Variants in NEDD9 observed in about 807,000 individuals in gnomAD.
NEDD9 encodes neural precursor cell expressed, developmentally down-regulated 9.
Under a neutral mutation model 76.6 loss-of-function variants are expected in NEDD9, and 26 were observed. The observed-to-expected ratio is 0.34, with a 90% CI of 0.25 to 0.47. NEDD9 has a LOEUF of 0.47. Among genes scored for constraint, NEDD9 ranks in the 20% least tolerant of loss-of-function variants. The probability of loss-of-function intolerance (pLI) is 1.00; values close to 1 mark genes in which losing one functional copy is unlikely to be tolerated. For synonymous variants in NEDD9, 392 were observed against 414.2 expected, an observed-to-expected ratio of 0.95 and a Z score of 0.65; for missense variants, 937 against 1,058.5, an observed-to-expected ratio of 0.89 and a Z score of 1.59.
At chr6:11,228,181 G>C (rs72827148) in intron 1 of NEDD9, among the ~76,000 whole-genome samples, 1 of 151,996 alleles carries the variant, frequency 6.6e-6, no homozygotes, top group African/African-American at 2.4e-5. Flanking sequence ...CTGAAAAGAA[G>C]AAGAAGAAGA....
At chr6:11,192,590 T>A in intron 3 of NEDD9, 144 bp from the exon 4 acceptor site, 1 of 498,138 alleles carries the variant, frequency 2.0e-6, no homozygotes, top group Non-Finnish European at 3.3e-6. Flanking sequence ...ATAACAGATT[T>A]ATTGCCTTTT....
chr6:11,194,743 G>A (rs3798729), intron 2 of NEDD9, among the ~76,000 whole-genome samples: 1 of 152,130 alleles, frequency 6.6e-6, no homozygotes, highest in African/African-American at 2.4e-5. Context: ...CGTTCATCAC[G>A]ATGCTGGCAT....
At chr6:11,298,823 A>T (rs1760964879) in intron 3 of NEDD9, among the ~76,000 whole-genome samples, 1 of 152,212 alleles carries the variant, frequency 6.6e-6, no homozygotes, top group Non-Finnish European at 1.5e-5. Flanking sequence ...GAGGATTGTT[A>T]AGAGGTCATT....
intron 2 of NEDD9, among the ~76,000 whole-genome samples, chr6:11,309,008 G>C (rs1375307327): frequency 6.6e-6 from 1 of 152,174 alleles, no homozygotes; most frequent in Non-Finnish European, 1.5e-5. Flanking sequence ...TGTGCCAGTT[G>C]TCTGTTAACG....
intron 3 of NEDD9, among the ~76,000 whole-genome samples, chr6:11,265,729 A>C (rs1760188976): frequency 1.3e-5 from 2 of 152,206 alleles, no homozygotes; most frequent in Non-Finnish European, 2.9e-5. Flanking sequence ...AGATAACTGT[A>C]TTTACATGTT....
chr6:11,320,079 G>C (rs1016629319), intron 2 of NEDD9, among the ~76,000 whole-genome samples: 1 of 152,264 alleles, frequency 6.6e-6, no homozygotes, highest in Admixed American at 6.5e-5. Flanking sequence ...TCCCTCCTGG[G>C]AGCACGGCTG....
intron 1 of NEDD9, among the ~76,000 whole-genome samples, chr6:11,379,792 C>T (rs1438886480): frequency 3.3e-5 from 5 of 152,084 alleles, no homozygotes; most frequent in Non-Finnish European, 7.4e-5. Flanking sequence ...AGCCTCAGAT[C>T]GACTTTCTCT....
chr6:11,307,367 A>C (rs188527022), intron 2 of NEDD9, among the ~76,000 whole-genome samples: 2 of 152,274 alleles, frequency 1.3e-5, no homozygotes, highest in Admixed American at 6.5e-5. Flanking sequence ...CCTCTGAGGC[A>C]CTTGCAGTGG....
At chr6:11,260,894 C>CTGTGTG (rs34568873) in intron 3 of NEDD9, among the ~76,000 whole-genome samples, 9 of 148,808 alleles carry the variant, frequency 6.0e-5, no homozygotes, top group South Asian at 2.1e-4. Flanking sequence ...GTGTGTGAGC[C>CTGTGTG]TGTGTGTGTG....
intron 1 of NEDD9, among the ~76,000 whole-genome samples, chr6:11,345,791 G>A (rs530806091): frequency 6.6e-6 from 1 of 152,254 alleles, no homozygotes; most frequent in African/African-American, 2.4e-5. Flanking sequence ...AGGAAGTAAA[G>A]CAGCATTTTA....
At chr6:11,249,853 C>T (rs755844171) in intron 3 of NEDD9, among the ~76,000 whole-genome samples, 4 of 152,132 alleles carry the variant, frequency 2.6e-5, no homozygotes, top group Middle Eastern at 3.2e-3. Flanking sequence ...TCTGTTGGCT[C>T]GCGTGGGCTT....
intron 3 of NEDD9, among the ~76,000 whole-genome samples, chr6:11,256,388 C>T (rs1035949495): frequency 1.1e-4 from 16 of 152,378 alleles, no homozygotes; most frequent in Non-Finnish European, 7.3e-5. Flanking sequence ...CCAGCCCACT[C>T]TAACACCACA....
At chr6:11,189,814 T>A in intron 5 of NEDD9, 150 bp downstream of exon 5, 1 of 1,022,112 alleles carries the variant, frequency 9.8e-7, no homozygotes, top group Non-Finnish European at 1.4e-6. Context: ...CTTACTACTC[T>A]ACGACACTCC....
chr6:11,300,669 C>G (rs531160667), intron 3 of NEDD9, among the ~76,000 whole-genome samples: 1 of 152,040 alleles, frequency 6.6e-6, no homozygotes, highest in Non-Finnish European at 1.5e-5. Flanking sequence ...GATCTGTTGG[C>G]AGAAACCCTA....
intron 3 of NEDD9, among the ~76,000 whole-genome samples, chr6:11,289,641 C>T (rs1026669753): frequency 1.3e-5 from 2 of 151,992 alleles, no homozygotes; most frequent in Admixed American, 6.6e-5. Context: ...TTAGTAGAGA[C>T]GAGGTTTCAC....
chr6:11,213,414 G>A lies in NEDD9; in HGVS notation c.326C>T (p.Pro109Leu), dbSNP rs756185789. Residue 109 changes from proline (P) to leucine (L), a missense_variant, in exon 2 of 7, where the codon CCA becomes CTA. Physicochemically the swap from Pro to Leu is moderately conservative, Grantham distance 98. Coordinates refer to ENST00000379446, the MANE Select transcript of NEDD9 (RefSeq NM_006403.4). This position sits in a 1 kb window ranked among gnomAD's most constrained non-coding sequence, Gnocchi z 5.4. The stretch of plus-strand genomic sequence containing the variant: ...AATTCCCTGATTTTGGTAGGAAGGT[G>A]GCACTTGGTAGATGGTGTCTCGGGG... ...AAPRDTIYQV[P>L]PSYQNQGIYQ... is the part of the protein sequence containing the mutation. 6.2e-7 allele frequency: 1 copy of A among 1,613,980 alleles called. No homozygotes were observed. Among genetic ancestry groups the A allele is most frequent in the Non-Finnish European group, 8.5e-7 (1 of 1,180,010 alleles).
intron 4 of NEDD9, 63 bp downstream of exon 4, chr6:11,192,282 C>G: frequency 5.9e-6 from 2 of 339,068 alleles, no homozygotes; most frequent in South Asian, 5.3e-5. Context: ...CCCAACCCTG[C>G]ACCCCCCGAC....
chr6:11,192,928 G>C (rs1338951331), intron 3 of NEDD9, among the ~76,000 whole-genome samples: 3 of 58,674 alleles, frequency 5.1e-5, no homozygotes, highest in Non-Finnish European at 5.8e-5. Context: ...ACAAGACTCT[G>C]TCTCAAAAAA....
In NEDD9 at chr6:11,376,415, G is replaced by T. The variant is rs572869948; in HGVS notation, c.-214+5724C>A. ...GGACAGTGAAGTTCTGGCTGATGAG[G>T]TCTCAGATGGAAATGAGAAAGTTTT... On this transcript the variant is annotated intron_variant, in intron 1 of 3. Transcript: ENST00000397378. Among the ~76,000 whole-genome samples the T allele has an allele frequency of 7.9e-5, 12 of 152,330 alleles. No individual in the cohort carries two copies. In the South Asian group the frequency reaches 2.5e-3, roughly 32 times the overall value.
Sources: gnomAD v4.1 joint callset for allele counts (sites outside exome capture counted in the v4.1 genomes callset) on GRCh38, gnomAD v4.1.1 for gene constraint, Gnocchi (gnomAD v3.1) non-coding constraint, MANE v1.5 for transcripts, NCBI Gene and HGNC (gene_info 2026-07-23, HGNC 2026-07-21) for gene names.